Variants in IL12RB1 observed in about 807,000 individuals in gnomAD.
The protein encoded by IL12RB1 is interleukin 12 receptor subunit beta 1, also known as interleukin-12 receptor subunit beta-1.
IL12RB1 carries 64 observed loss-of-function variants against 94.4 expected under a neutral mutation model. That is an observed-to-expected ratio of 0.68 (90% CI 0.55 to 0.83). The LOEUF (loss-of-function observed/expected upper bound fraction) is 0.83. IL12RB1 is among the 40% of genes least tolerant of loss of function. The probability of loss-of-function intolerance (pLI) is 0.00; values close to 1 mark genes in which losing one functional copy is unlikely to be tolerated. For synonymous variants in IL12RB1, 362 were observed against 355.5 expected (o/e 1.02, Z -0.21); for missense variants, 814 against 855.6 (o/e 0.95, Z 0.61).
At chr19:18,066,349 C>T (rs892176643) in intron 12 of IL12RB1, among the ~76,000 whole-genome samples, 193 bp downstream of exon 12, 3 of 152,052 alleles carry the variant, frequency 2.0e-5, no homozygotes, top group South Asian at 2.1e-4. Context: ...TCAGGTGATC[C>T]GCCCGCCTTG....
chr19:18,094,930 C>A (rs577539508), intron 1 of IL12RB1, among the ~76,000 whole-genome samples: 17 of 152,244 alleles, frequency 1.1e-4, no homozygotes, highest in South Asian at 8.3e-4. Flanking sequence ...CAATCCCAGC[C>A]TTTCGGGAGG....
chr19:18,069,606 C>A lies in IL12RB1; in HGVS notation c.1129G>T (p.Asp377Tyr), dbSNP rs772685678. 6.2e-7 allele frequency: 1 copy of A among 1,613,116 alleles called. No homozygotes were observed. Among genetic ancestry groups the A allele is most frequent in the Non-Finnish European group, 8.5e-7 (1 of 1,179,884 alleles). ...AGGCTGCAGGTGGCAAGGCCCCCGT[C>A]CTGGCCCACAGGCTGCCATTCAATG... The part of the protein sequence containing the change: ...YCIEWQPVGQ[D>Y]GGLATCSLTA... Residue 377 changes from aspartate to tyrosine, a missense_variant, in exon 10 of 17, where the codon GAC (aspartate) becomes TAC (tyrosine). Coordinates refer to ENST00000593993, the MANE Select transcript of IL12RB1 (RefSeq NM_005535.3).
intron 8 of IL12RB1, among the ~76,000 whole-genome samples, chr19:18,072,919 C>G (rs914288586): frequency 3.4e-5 from 5 of 146,010 alleles, no homozygotes; most frequent in African/African-American, 1.3e-4. Context: ...TGCACTCCAG[C>G]CTGGGCGACA....
At chr19:18,096,772 G>T (rs1218113874) in intron 1 of IL12RB1, among the ~76,000 whole-genome samples, 1 of 151,312 alleles carries the variant, frequency 6.6e-6, no homozygotes, top group Non-Finnish European at 1.5e-5. Flanking sequence ...GGAGGCAGGG[G>T]TTGCCGAGAT....
chr19:18,068,320 C>T, intron 11 of IL12RB1, 69 bp downstream of exon 11: 1 of 1,312,358 alleles, frequency 7.6e-7, no homozygotes, highest in Non-Finnish European at 1.0e-6. Context: ...GTCACTGTGC[C>T]CAGCCTCTAT....
intron 5 of IL12RB1, among the ~76,000 whole-genome samples, chr19:18,076,892 C>A (rs1453211709): frequency 1.3e-5 from 2 of 151,802 alleles, no homozygotes; most frequent in Non-Finnish European, 2.9e-5. Context: ...AATCTGGGAG[C>A]AGAAAAAAGA....
rs768159975 is a variant in IL12RB1, at chr19:18,066,538, G to A, written c.1483+4C>T. 1.5e-4 allele frequency: 239 copies of A among 1,608,668 alleles called. 1 individual carries two copies. In the Admixed American group the frequency reaches 2.7e-3, roughly 18 times the overall value. ...CCAAGCCAGGTCTGCACTGCCTCAC[G>A]TACCTGACACCTGTTTGCTGTCTTC... On this transcript the variant is annotated splice_donor_region_variant and intron_variant, in intron 12 of 16. Coordinates refer to ENST00000593993, the MANE Select transcript of IL12RB1 (RefSeq NM_005535.3).
chr19:18,079,728 T>G (rs921544525), intron 4 of IL12RB1, among the ~76,000 whole-genome samples: 1 of 151,998 alleles, frequency 6.6e-6, no homozygotes, highest in African/African-American at 2.4e-5. Context: ...AAACCCCGTC[T>G]CTACTAAAAA....
intron 5 of IL12RB1, among the ~76,000 whole-genome samples, chr19:18,076,990 G>C (rs17883695): frequency 6.6e-6 from 1 of 152,078 alleles, no homozygotes; most frequent in Non-Finnish European, 1.5e-5. Flanking sequence ...AAGGATATAT[G>C]GGCGTTCTCT....
At chr19:18,087,430 G>A (rs915741811), upstream of IL12RB1, among the ~76,000 whole-genome samples, 5 of 151,264 alleles carry the variant, frequency 3.3e-5, no homozygotes, top group African/African-American at 9.7e-5. Context: ...GGCTGGTCTC[G>A]AACTCCTAAC....
chr19:18,069,353 AGGT>A (rs2034835429), intron 10 of IL12RB1, among the ~76,000 whole-genome samples, 190 bp downstream of exon 10: 1 of 152,238 alleles, frequency 6.6e-6, no homozygotes, highest in South Asian at 2.1e-4. Flanking sequence ...TGCCAGCAAG[AGGT>A]TCCAGACCCA....
At chr19:18,061,005 C>A in intron 15 of IL12RB1, 117 bp downstream of exon 15, 1 of 701,802 alleles carries the variant, frequency 1.4e-6, no homozygotes. Flanking sequence ...GTATGGAGCA[C>A]TGGTTTTGGA....
At chr19:18,068,583 C>G in intron 10 of IL12RB1, 57 bp from the exon 11 acceptor site, 2 of 1,468,614 alleles carry the variant, frequency 1.4e-6, no homozygotes, top group Non-Finnish European at 9.5e-7. Flanking sequence ...ACCTCTGCAC[C>G]TTTGCACTGG....
Position 18,059,399 on chromosome 19 carries a change from C to T in IL12RB1, c.*209G>A, listed in dbSNP as rs2033958120. On this transcript the variant is annotated 3_prime_UTR_variant, in exon 17 of 17. Transcript: ENST00000593993. ...AATGGCAGGGTCTGCTCCTGCCCCA[C>T]GGATGCCAGGCCCAGCAGGGTGCAG... 3.2e-6 allele frequency: 2 copies of T among 628,760 alleles called. No individual in the cohort carries two copies. The highest frequency in any genetic ancestry group is 1.8e-5 in the African/African-American group (1 of 54,814). 38.9% of individuals were successfully genotyped at this position (628,760 alleles called of 1,614,324 possible).
At chr19:18,083,297 G>A (rs2036041410) in intron 2 of IL12RB1, 135 bp downstream of exon 2, 2 of 834,058 alleles carry the variant, frequency 2.4e-6, no homozygotes, top group Admixed American at 1.7e-5. Flanking sequence ...GCAGGTGGTG[G>A]GGTGGGGACT....
chr19:18,082,242 G>C lies in IL12RB1; in HGVS notation c.147C>G (p.Asp49Glu), dbSNP rs2035966738. Residue 49 changes from aspartate to glutamate, a missense_variant, in exon 3 of 17, where the codon GAC becomes GAG. Coordinates refer to ENST00000593993, the MANE Select transcript of IL12RB1 (RefSeq NM_005535.3). ...CACTGGATATCCGATAGCATCTCAG[G>C]TCCCTAGGGCCCGAGGCCGAGCCTG... The part of the protein sequence containing the change: ...ADSGSASGPR[D>E]LRCYRISSDR... 11 of 1,612,832 alleles carry C rather than the reference G, an allele frequency of 6.8e-6. No homozygotes were observed. The highest frequency in any genetic ancestry group is 9.3e-6 in the Non-Finnish European group (11 of 1,179,140).
In IL12RB1 at chr19:18,061,214, A is replaced by G; in HGVS notation, c.1716-17T>C. ...CGTGCGGCCCTGGGGAGGAAAGGGG[A>G]CCAGTGAGAGGAGCTGAGGTTTTTT... On this transcript the variant is annotated splice_polypyrimidine_tract_variant and intron_variant, in intron 14 of 16. Transcript: ENST00000593993. The G allele has an allele frequency of 7.2e-7, 1 of 1,395,508 alleles. No individual in the cohort carries two copies. The highest frequency in any genetic ancestry group is 9.8e-7 in the Non-Finnish European group (1 of 1,015,280). The allele number at this position is 1,395,508 out of a possible 1,614,324, so 86.4% of individuals were successfully genotyped here.
chr19:18,077,743 A>G, intron 4 of IL12RB1, 88 bp from the exon 5 acceptor site: 1 of 813,020 alleles, frequency 1.2e-6, no homozygotes. Context: ...CAGGGTAAGC[A>G]ACTGAATCCC....
chr19:18,091,923 C>A (rs976889432), upstream of IL12RB1, among the ~76,000 whole-genome samples: 10 of 145,792 alleles, frequency 6.9e-5, 1 homozygote, highest in Middle Eastern at 0.03. Context: ...GTCACCCAGG[C>A]TGGAGTGCAG....
Sources: gnomAD v4.1 joint callset for allele counts (sites outside exome capture counted in the v4.1 genomes callset) on GRCh38, gnomAD v4.1.1 for gene constraint, MANE v1.5 for transcripts, NCBI Gene and HGNC (gene_info 2026-07-23, HGNC 2026-07-21) for gene names.